TIAM1: variants seen among roughly 807,000 people sequenced by gnomAD.
TIAM1 encodes the protein TIAM Rac1 associated GEF 1, also known as rho guanine nucleotide exchange factor TIAM1.
TIAM1 carries 65 observed loss-of-function variants against 163.5 expected under a neutral mutation model. The observed-to-expected ratio is 0.40, with a 90% CI of 0.33 to 0.49. TIAM1 has a LOEUF of 0.49. Ranked by LOEUF, TIAM1 falls within the 20% of genes least tolerant of loss-of-function variation. TIAM1 has a pLI of 0.77. For missense variants in TIAM1, 1,789 were observed against 2,044.7 expected, an observed-to-expected ratio of 0.87 and a Z score of 2.41; for synonymous variants, 833 against 810.1, an observed-to-expected ratio of 1.03 and a Z score of -0.48.
At chr21:31,185,523 A>G (rs1008436613) in intron 14 of TIAM1, among the ~76,000 whole-genome samples, 1 of 140,094 alleles carries the variant, frequency 7.1e-6, no homozygotes, top group Non-Finnish European at 1.5e-5. Flanking sequence ...ATAATATGCT[A>G]ATATAATATA....
intron 14 of TIAM1, among the ~76,000 whole-genome samples, chr21:31,184,030 C>T (rs1380014797): frequency 6.6e-6 from 1 of 152,230 alleles, no homozygotes; most frequent in African/African-American, 2.4e-5. Flanking sequence ...CTCACTGCAA[C>T]ATCTGTCTCC....
At chr21:31,125,641 C>T (rs1007382243) in intron 26 of TIAM1, among the ~76,000 whole-genome samples, 4 of 152,204 alleles carry the variant, frequency 2.6e-5, no homozygotes, top group Non-Finnish European at 1.5e-5. Context: ...GTGGTATGAT[C>T]TTGGCTCATT....
chr21:31,518,500 T>C (rs983274305), intron 1 of TIAM1, among the ~76,000 whole-genome samples: 16 of 152,102 alleles, frequency 1.1e-4, no homozygotes, highest in African/African-American at 3.9e-4. Context: ...TTGGTCAGGC[T>C]GGTCTCAAAC....
At chr21:31,311,831 T>G (rs1290363522) in intron 2 of TIAM1, among the ~76,000 whole-genome samples, 2 of 152,140 alleles carry the variant, frequency 1.3e-5, no homozygotes, top group African/African-American at 4.8e-5. Context: ...AACATTTGAG[T>G]CAGTGGACTG....
intron 15 of TIAM1, among the ~76,000 whole-genome samples, chr21:31,174,867 T>G (rs189059007): frequency 1.3e-5 from 2 of 152,316 alleles, no homozygotes; most frequent in Non-Finnish European, 1.5e-5. Flanking sequence ...CAGGCTGGTC[T>G]TGAACTCCTG....
intron 2 of TIAM1, among the ~76,000 whole-genome samples, chr21:31,335,954 TCA>T (rs2075825047): frequency 6.6e-6 from 1 of 152,104 alleles, no homozygotes; most frequent in South Asian, 2.1e-4. Flanking sequence ...ACGCACAGGC[TCA>T]GAGGGGCTGT....
At chr21:31,558,014 G>A (rs1019027432) in intron 1 of TIAM1, among the ~76,000 whole-genome samples, 12 of 152,134 alleles carry the variant, frequency 7.9e-5, no homozygotes, top group South Asian at 6.2e-4. Flanking sequence ...CGGCCGGGGG[G>A]AGGGGGCGTC....
At chr21:31,371,278 C>A (rs545951473) in intron 2 of TIAM1, among the ~76,000 whole-genome samples, 1 of 152,176 alleles carries the variant, frequency 6.6e-6, no homozygotes, top group Non-Finnish European at 1.5e-5. Context: ...ATCATTCAGG[C>A]AACAGGACTG....
intron 2 of TIAM1, among the ~76,000 whole-genome samples, chr21:31,364,980 G>T (rs538163846): frequency 1.3e-5 from 2 of 152,332 alleles, no homozygotes; most frequent in South Asian, 4.1e-4. Flanking sequence ...AAATGACTTT[G>T]TTCCAATAAA....
intron 11 of TIAM1, 90 bp from the exon 12 acceptor site, chr21:31,203,102 T>C (rs2086284065): frequency 4.8e-6 from 5 of 1,051,358 alleles, no homozygotes; most frequent in East Asian, 2.4e-5. Flanking sequence ...TGTATTCCTA[T>C]GACCAATAGA....
intron 2 of TIAM1, among the ~76,000 whole-genome samples, chr21:31,291,676 C>CATT (rs2074027225): frequency 6.6e-6 from 1 of 152,240 alleles, no homozygotes; most frequent in South Asian, 2.1e-4. Flanking sequence ...GCATGCGCTA[C>CATT]AACACCTGGC....
At chr21:31,463,263 C>A (rs1300875858) in intron 2 of TIAM1, among the ~76,000 whole-genome samples, 2 of 152,224 alleles carry the variant, frequency 1.3e-5, no homozygotes, top group Non-Finnish European at 2.9e-5. Flanking sequence ...CAGCCGTGAT[C>A]AACCACTGTC....
intron 2 of TIAM1, among the ~76,000 whole-genome samples, chr21:31,450,284 T>C (rs2044778075): frequency 6.6e-6 from 1 of 152,204 alleles, no homozygotes; most frequent in Admixed American, 6.5e-5. Flanking sequence ...GCCTCTCTCC[T>C]ACTCCAAGGA....
chr21:31,342,305 T>C (rs1262341197), intron 1 of TIAM1, among the ~76,000 whole-genome samples: 1 of 151,918 alleles, frequency 6.6e-6, no homozygotes, highest in Non-Finnish European at 1.5e-5. Flanking sequence ...GTGAATAAAA[T>C]TTAAAAATAT....
chr21:31,488,607 A>ACT (rs2046352725), intron 1 of TIAM1, among the ~76,000 whole-genome samples: 2 of 152,330 alleles, frequency 1.3e-5, no homozygotes, highest in African/African-American at 4.8e-5. Context: ...GGAGGAGCAA[A>ACT]CTCATGTCTT....
At chr21:31,512,331 C>A (rs1056587228) in intron 1 of TIAM1, among the ~76,000 whole-genome samples, 1 of 152,018 alleles carries the variant, frequency 6.6e-6, no homozygotes, top group Admixed American at 6.6e-5. Flanking sequence ...AACTCCTGGG[C>A]TCAAGTCATC....
At position 31,120,356 on chromosome 21, in the gene TIAM1, C is replaced by G; in HGVS notation, c.*12G>C. The G allele has an allele frequency of 6.3e-7, 1 of 1,592,684 alleles. No individual in the cohort carries two copies. The highest frequency in any genetic ancestry group is 8.6e-7 in the Non-Finnish European group (1 of 1,168,728). On this transcript the variant is annotated 3_prime_UTR_variant, in exon 28 of 28. Coordinates refer to ENST00000541036, the MANE Select transcript of TIAM1 (RefSeq NM_001353694.2). This position sits in a 1 kb window ranked among gnomAD's most constrained non-coding sequence, Gnocchi z 4.2. ...GTATCTACACACATTCTCTACGGGG[C>G]AGGTGACGCAGTCAGATCTCAGTGT...
At chr21:31,388,212 AACAC>A (rs11369323) in intron 2 of TIAM1, among the ~76,000 whole-genome samples, 1,194 of 115,878 alleles carry the variant, frequency 0.01, 12 homozygotes, top group South Asian at 0.067. Flanking sequence ...AGAAGACCCT[AACAC>A]ACACACACAC....
At chr21:31,233,756 G>T (rs2088571574) in intron 6 of TIAM1, among the ~76,000 whole-genome samples, 1 of 152,178 alleles carries the variant, frequency 6.6e-6, no homozygotes, top group African/African-American at 2.4e-5. Flanking sequence ...TGAAAATGGT[G>T]ATATAATGGA....
Sources: gnomAD v4.1 joint callset for allele counts (sites outside exome capture counted in the v4.1 genomes callset) on GRCh38, gnomAD v4.1.1 for gene constraint, Gnocchi (gnomAD v3.1) non-coding constraint, MANE v1.5 for transcripts, NCBI Gene and HGNC (gene_info 2026-07-23, HGNC 2026-07-21) for gene names.